RFPL2: variants seen among roughly 807,000 people sequenced by gnomAD.
RFPL2 encodes ret finger protein-like 2.
RFPL2 carries 13 observed loss-of-function variants against 17.8 expected under a neutral mutation model. The ratio of observed to expected loss-of-function variants is 0.73; its 90% confidence interval spans 0.47 to 1.16. RFPL2 has a LOEUF of 1.16. Among genes scored for constraint, RFPL2 ranks in the 50% most tolerant of loss-of-function variants. The pLI, the probability that RFPL2 is intolerant of heterozygous loss-of-function variation, is 0.00. For synonymous variants in RFPL2, 189 were observed against 180.9 expected (o/e 1.04, Z -0.36); for missense variants, 431 against 479.3 (o/e 0.90, Z 0.94).
chr22:32,202,551 C>G lies in RFPL2; in HGVS notation c.-99-1G>C. On this transcript the variant is annotated splice_acceptor_variant, in intron 1 of 4. Transcript: ENST00000652607. LOFTEE classifies it low-confidence loss of function (5UTR_SPLICE). ...TCCGGGCAGACAAAGCCAGAAAAGCCTAGAACAGGATGCAGAGTGGTAACA... is the reference window on the plus strand; with the variant it reads ...TCCGGGCAGACAAAGCCAGAAAAGCGTAGAACAGGATGCAGAGTGGTAACA... 1 of 1,519,284 alleles carries G rather than the reference C, an allele frequency of 6.6e-7. No homozygotes were observed. The highest frequency in any genetic ancestry group is 2.1e-5 in the Admixed American group (1 of 48,522). The allele number at this position is 1,519,284 out of a possible 1,614,324, so 94.1% of individuals were successfully genotyped here.
Position 32,203,945 on chromosome 22 carries a change from C to T in RFPL2, c.-100+762G>A, listed in dbSNP as rs943611908. 2.6e-5 allele frequency among the ~76,000 whole-genome samples: 4 copies of T among 151,630 alleles called. No homozygotes were observed. The East Asian group carries it at 7.8e-4, about 30-fold the overall frequency. On this transcript the variant is annotated intron_variant, in intron 1 of 4. Coordinates refer to ENST00000652607, the MANE Select transcript of RFPL2 (RefSeq NM_001394555.1). ...ACATGCGGTGTAGCCAACGATGGCG[C>T]CCCCATCTCCCCCTCGCCTCGGGCA...
chr22:32,202,178 C>A (rs539228979), intron 2 of RFPL2, among the ~76,000 whole-genome samples, 155 bp downstream of exon 2: 3 of 152,140 alleles, frequency 2.0e-5, no homozygotes, highest in Admixed American at 6.5e-5. Context: ...TCTCTCCCCC[C>A]ACTTTCTGTC....
At position 32,205,060 on chromosome 22, in the gene RFPL2, T is replaced by G. The variant is rs1465719766; in HGVS notation, c.-453A>C. On this transcript the variant is annotated 5_prime_UTR_variant, in exon 1 of 5. Coordinates refer to ENST00000652607, the MANE Select transcript of RFPL2 (RefSeq NM_001394555.1). ...CCTTCCAGGCTCATCTGCGTCGGCC[T>G]GCGTAGCTGCTCTGTGCCCGGCTTA... 3 of 152,252 alleles carry G rather than the reference T, an allele frequency of 2.0e-5. No homozygotes were observed. Among genetic ancestry groups the G allele is most frequent in the Non-Finnish European group, 4.4e-5 (3 of 68,090 alleles). 9.4% of individuals were successfully genotyped at this position (152,252 alleles called of 1,614,324 possible). A position where few individuals can be genotyped will look rare whatever the true frequency, so the allele number is the denominator to read the frequency against.
At chr22:32,196,496 G>T (rs760603999) in intron 2 of RFPL2, among the ~76,000 whole-genome samples, 1 of 152,202 alleles carries the variant, frequency 6.6e-6, no homozygotes, top group African/African-American at 2.4e-5. Flanking sequence ...TTAACTTTAC[G>T]TGATTAGAAT....
intron 2 of RFPL2, among the ~76,000 whole-genome samples, chr22:32,201,259 T>G (rs914201670): frequency 6.6e-6 from 1 of 152,030 alleles, no homozygotes; most frequent in Non-Finnish European, 1.5e-5. Context: ...AGGATGGTCT[T>G]GATCTCCTGA....
chr22:32,203,670 C>A (rs1224925480), intron 1 of RFPL2, among the ~76,000 whole-genome samples: 1 of 150,454 alleles, frequency 6.6e-6, no homozygotes, highest in Non-Finnish European at 1.5e-5. Flanking sequence ...GCGCCCCCAA[C>A]CAGCCCCCAG....
chr22:32,191,555 C>T (rs1922657042), intron 4 of RFPL2, among the ~76,000 whole-genome samples: 1 of 152,334 alleles, frequency 6.6e-6, no homozygotes, highest in African/African-American at 2.4e-5. Context: ...CCCTTATTCA[C>T]AGTAGCAATT....
chr22:32,195,123 T>C (rs1230780013), intron 2 of RFPL2, among the ~76,000 whole-genome samples: 1 of 152,250 alleles, frequency 6.6e-6, no homozygotes, highest in Non-Finnish European at 1.5e-5. Context: ...CCTTTCTGTG[T>C]AGTGGGATCT....
rs894307836 is a variant in RFPL2, at chr22:32,191,177, C to T, written c.732G>A (p.Glu244=). The T allele has an allele frequency of 1.9e-6, 3 of 1,613,834 alleles. No homozygotes were observed. Among genetic ancestry groups the T allele is most frequent in the South Asian group, 2.2e-5 (2 of 91,080 alleles). ...PRFTCGRHCW[E]VDVGTSTEWD... is the part of the protein sequence containing the mutation. ...ATTCTGTGCTTGTTCCCACGTCCAC[C>T]TCCCAGCAGTGGCGGCCACAGGTAA... The change falls in exon 5 of 5, where the codon GAG becomes GAA. Residue 244 remains glutamate, a synonymous_variant. Transcript: ENST00000652607.
At chr22:32,197,147 T>G (rs1923416825) in intron 2 of RFPL2, among the ~76,000 whole-genome samples, 1 of 152,198 alleles carries the variant, frequency 6.6e-6, no homozygotes, top group South Asian at 2.1e-4. Flanking sequence ...GAAGATTTGG[T>G]CATTGATAAT....
At position 32,190,742 on chromosome 22, in the gene RFPL2, C is replaced by G. The variant is rs372914231; in HGVS notation, c.*30G>C. ...TCTACCCACCCAAGTAATTTTCTTA[C>G]CCTGTTTTTTGTTTTTTTGGAGTGA... On this transcript the variant is annotated 3_prime_UTR_variant, in exon 5 of 5. Coordinates refer to ENST00000652607, the MANE Select transcript of RFPL2 (RefSeq NM_001394555.1). 4.0e-6 allele frequency: 6 copies of G among 1,499,958 alleles called. No homozygotes were observed. Among genetic ancestry groups the G allele is most frequent in the Non-Finnish European group, 5.3e-6 (6 of 1,124,870 alleles). The allele number at this position is 1,499,958 out of a possible 1,614,324, so 92.9% of individuals were successfully genotyped here. A position where few individuals can be genotyped will look rare whatever the true frequency, so the allele number is the denominator to read the frequency against.
intron 2 of RFPL2, among the ~76,000 whole-genome samples, chr22:32,200,733 A>G (rs548743130): frequency 6.6e-6 from 1 of 151,720 alleles, no homozygotes; most frequent in Non-Finnish European, 1.5e-5. Context: ...TTGAAATCCT[A>G]TTCTTGGCCT....
At position 32,191,155 on chromosome 22, in the gene RFPL2, C is replaced by A; in HGVS notation, c.754G>T (p.Glu252Ter). 6.2e-7 allele frequency: 1 copy of A among 1,613,974 alleles called. No individual in the cohort carries two copies. Among genetic ancestry groups the A allele is most frequent in the Non-Finnish European group, 8.5e-7 (1 of 1,179,866 alleles). ...TCTCTGCAGACTCCCAGGTCCCATT[C>A]TGTGCTTGTTCCCACGTCCACCTCC... ...CWEVDVGTST[E>*]WDLGVCRESV... Residue 252 changes from glutamate to a stop codon, truncating the protein, a stop_gained, in exon 5 of 5, where the codon GAA becomes TAA. Coordinates refer to ENST00000652607, the MANE Select transcript of RFPL2 (RefSeq NM_001394555.1). LOFTEE classifies it low-confidence loss of function (END_TRUNC).
chr22:32,204,516 G>C (rs577682495), intron 1 of RFPL2, among the ~76,000 whole-genome samples, 191 bp downstream of exon 1: 2 of 152,102 alleles, frequency 1.3e-5, no homozygotes, highest in Non-Finnish European at 2.9e-5. Context: ...GCTCCAGATC[G>C]TGCATCCAAC....
chr22:32,200,854 T>C (rs1201927845), intron 2 of RFPL2, among the ~76,000 whole-genome samples: 4 of 151,882 alleles, frequency 2.6e-5, no homozygotes, highest in African/African-American at 9.7e-5. Context: ...ATTCATGAGG[T>C]CTCACGTTTG....
chr22:32,191,432 A>ATCTCTTGACTTTAGTTTCTTTAAT, intron 4 of RFPL2, 80 bp from the exon 5 acceptor site: 2 of 1,478,834 alleles, frequency 1.4e-6, no homozygotes. Context: ...AGGCCCAAAT[A>ATCTCTTGACTTTAGTTTCTTTAAT]TCTCTTGACT....
intron 2 of RFPL2, among the ~76,000 whole-genome samples, chr22:32,197,222 A>G (rs533799453): frequency 6.6e-6 from 1 of 152,312 alleles, no homozygotes; most frequent in Admixed American, 6.5e-5. Context: ...GAATGTAAAG[A>G]TATGAGTCCC....
intron 2 of RFPL2, among the ~76,000 whole-genome samples, chr22:32,198,646 C>A (rs1038688659): frequency 1.3e-5 from 2 of 151,966 alleles, no homozygotes; most frequent in Admixed American, 6.6e-5. Flanking sequence ...TATTTTTCTT[C>A]TTTTCTGTAT....
chr22:32,203,572 A>T (rs1924196402), intron 1 of RFPL2: 1 of 149,850 alleles, frequency 6.7e-6, no homozygotes, highest in South Asian at 2.1e-4. Context: ...CATAGCATCC[A>T]ACCCGCCTCC....
Sources: gnomAD v4.1 joint callset for allele counts (sites outside exome capture counted in the v4.1 genomes callset) on GRCh38, gnomAD v4.1.1 for gene constraint, MANE v1.5 for transcripts, NCBI Gene and HGNC (gene_info 2026-07-23, HGNC 2026-07-21) for gene names.